TSHZ2: variants seen among roughly 807,000 people sequenced by gnomAD.
The protein encoded by TSHZ2 is teashirt zinc finger homeobox 2.
Under a neutral mutation model 74.4 loss-of-function variants are expected in TSHZ2, and 21 were observed. The observed-to-expected ratio is 0.28, with a 90% confidence interval of 0.20 to 0.41. TSHZ2 has a LOEUF of 0.41. Ranked by LOEUF, TSHZ2 falls within the 10% of genes least tolerant of loss-of-function variation. The probability of loss-of-function intolerance (pLI) is 1.00; values close to 1 mark genes in which losing one functional copy is unlikely to be tolerated. For missense variants in TSHZ2, 1,244 were observed against 1,293.5 expected, an observed-to-expected ratio of 0.96 and a Z score of 0.59; for synonymous variants, 540 against 515.3, an observed-to-expected ratio of 1.05 and a Z score of -0.65.
intron 1 of TSHZ2, among the ~76,000 whole-genome samples, chr20:53,047,566 C>T (rs1013860298): frequency 1.3e-5 from 2 of 152,146 alleles, no homozygotes; most frequent in Non-Finnish European, 2.9e-5. Flanking sequence ...ATCTATCTGA[C>T]AGAGGCTGGG....
At chr20:53,445,436 A>G (rs1984511931) in intron 2 of TSHZ2, among the ~76,000 whole-genome samples, 1 of 152,226 alleles carries the variant, frequency 6.6e-6, no homozygotes, top group Non-Finnish European at 1.5e-5. Flanking sequence ...AGTGATAAGC[A>G]ATGATTTATT....
At chr20:53,183,765 C>T (rs1988536074) in intron 1 of TSHZ2, among the ~76,000 whole-genome samples, 1 of 152,192 alleles carries the variant, frequency 6.6e-6, no homozygotes, top group Admixed American at 6.5e-5. Flanking sequence ...CTTGAGGCAA[C>T]ACAAAGTATT....
At chr20:53,143,431 C>T (rs747352382) in intron 1 of TSHZ2, among the ~76,000 whole-genome samples, 3 of 152,140 alleles carry the variant, frequency 2.0e-5, no homozygotes, top group Non-Finnish European at 2.9e-5. Flanking sequence ...CGGTGGCTCA[C>T]GCCTTTAATC....
intron 1 of TSHZ2, among the ~76,000 whole-genome samples, chr20:53,078,987 A>G (rs1415071112): frequency 6.6e-6 from 1 of 152,184 alleles, no homozygotes; most frequent in Non-Finnish European, 1.5e-5. Context: ...CTGGCAGTGG[A>G]CGAGCATGTT....
intron 1 of TSHZ2, among the ~76,000 whole-genome samples, chr20:53,225,394 A>G (rs890372009): frequency 1.3e-5 from 2 of 152,240 alleles, no homozygotes; most frequent in Non-Finnish European, 2.9e-5. Flanking sequence ...TAGGCTTTCA[A>G]TAACTATTGA....
At chr20:53,001,232 G>GTGTGTGTGTGTA (rs1982422492) in intron 1 of TSHZ2, among the ~76,000 whole-genome samples, 17 of 135,400 alleles carry the variant, frequency 1.3e-4, no homozygotes, top group Middle Eastern at 7.4e-3. Context: ...GTGTGTGTGT[G>GTGTGTGTGTGTA]TGTGTGTGTG....
At chr20:53,038,884 T>TTTTGTTTTG (rs1555817854) in intron 1 of TSHZ2, among the ~76,000 whole-genome samples, 13 of 144,238 alleles carry the variant, frequency 9.0e-5, no homozygotes, top group African/African-American at 3.2e-4. Context: ...GTTTGTTTTG[T>TTTTGTTTTG]TTTGTTTGTT....
At chr20:53,033,329 C>T (rs755060570) in intron 1 of TSHZ2, among the ~76,000 whole-genome samples, 18 of 152,146 alleles carry the variant, frequency 1.2e-4, no homozygotes, top group Non-Finnish European at 2.2e-4. Flanking sequence ...GTTCATTCCA[C>T]CCATATTTAT....
rs148387980 is a variant in TSHZ2, at chr20:53,181,327, C to G, written c.41-72172C>G. ...TTGTTCTTTTTTCACAAAGGTACCC[C>G]AGCTCCAAGAAGAGTGTCTGGGGTG... On this transcript the variant is annotated intron_variant, in intron 1 of 2. Transcript: ENST00000371497. Among the ~76,000 whole-genome samples, 390 of 152,272 alleles carry G rather than the reference C, an allele frequency of 2.6e-3. 1 individual carries two copies. Among genetic ancestry groups the G allele is most frequent in the African/African-American group, 8.9e-3 (371 of 41,552 alleles).
intron 1 of TSHZ2, among the ~76,000 whole-genome samples, chr20:53,237,872 G>A (rs981478885): frequency 1.3e-5 from 2 of 152,102 alleles, no homozygotes; most frequent in Non-Finnish European, 2.9e-5. Context: ...AATAGACTAC[G>A]AGCACTGCAA....
At chr20:53,023,023 C>T (rs551164577) in intron 1 of TSHZ2, among the ~76,000 whole-genome samples, 10 of 152,282 alleles carry the variant, frequency 6.6e-5, no homozygotes, top group African/African-American at 2.4e-4. Flanking sequence ...GACTACCCCC[C>T]CACCCAGATC....
At chr20:53,060,453 G>A (rs1568740902) in intron 1 of TSHZ2, among the ~76,000 whole-genome samples, 1 of 152,144 alleles carries the variant, frequency 6.6e-6, no homozygotes, top group Non-Finnish European at 1.5e-5. Flanking sequence ...TCCTTAAAAA[G>A]TTGAGTCTTC....
At chr20:53,376,105 C>A (rs1044167567) in intron 2 of TSHZ2, among the ~76,000 whole-genome samples, 1 of 152,128 alleles carries the variant, frequency 6.6e-6, no homozygotes, top group Non-Finnish European at 1.5e-5. Flanking sequence ...GAGAAGTTAG[C>A]CAAGTGAGAA....
intron 1 of TSHZ2, among the ~76,000 whole-genome samples, chr20:53,116,778 A>G (rs1032415448): frequency 6.6e-6 from 1 of 152,126 alleles, no homozygotes; most frequent in Admixed American, 6.5e-5. Context: ...GGCATTTTTT[A>G]ATTCTGCCAA....
chr20:53,364,046 A>T (rs201809), intron 2 of TSHZ2, among the ~76,000 whole-genome samples: 123,467 of 152,112 alleles, frequency 0.81, 50,537 homozygotes, highest in African/African-American at 0.93. Flanking sequence ...TGAGAAAAAA[A>T]GAAACAGGAG....
intron 2 of TSHZ2, among the ~76,000 whole-genome samples, chr20:53,374,833 A>T (rs893690593): frequency 6.6e-6 from 1 of 151,168 alleles, no homozygotes; most frequent in African/African-American, 2.4e-5. Context: ...CCACTTTTTA[A>T]TGGGGCTGTT....
chr20:53,341,615 A>C (rs751271557), intron 2 of TSHZ2, among the ~76,000 whole-genome samples: 1 of 152,038 alleles, frequency 6.6e-6, no homozygotes, highest in Non-Finnish European at 1.5e-5. Flanking sequence ...TTAAACCGCC[A>C]TACCCGGCCG....
At chr20:53,209,880 G>C (rs990971853) in intron 1 of TSHZ2, among the ~76,000 whole-genome samples, 1 of 151,550 alleles carries the variant, frequency 6.6e-6, no homozygotes, top group Non-Finnish European at 1.5e-5. Flanking sequence ...GGATGGCACA[G>C]AGAAGACGAC....
At chr20:52,986,465 C>T (rs373524684) in intron 1 of TSHZ2, among the ~76,000 whole-genome samples, 3 of 149,622 alleles carry the variant, frequency 2.0e-5, no homozygotes, top group Non-Finnish European at 3.0e-5. Context: ...CATGGTGGCT[C>T]ACGCCTGTAA....
Sources: gnomAD v4.1 joint callset for allele counts (sites outside exome capture counted in the v4.1 genomes callset) on GRCh38, gnomAD v4.1.1 for gene constraint, MANE v1.5 for transcripts, NCBI Gene and HGNC (gene_info 2026-07-23, HGNC 2026-07-21) for gene names.